RIPK4: variants seen among roughly 807,000 people sequenced by gnomAD.
RIPK4 encodes receptor-interacting serine/threonine-protein kinase 4.
In RIPK4, 17 loss-of-function variants were observed where a neutral mutation model predicts 42.9. That is an observed-to-expected ratio of 0.40 (90% CI 0.27 to 0.59). RIPK4 has a LOEUF of 0.59. Among genes scored for constraint, RIPK4 ranks in the 20% least tolerant of loss-of-function variants. The probability of loss-of-function intolerance (pLI) is 0.47; values close to 1 mark genes in which losing one functional copy is unlikely to be tolerated. For synonymous variants in RIPK4, 498 were observed against 499.1 expected (o/e 1.00, Z 0.03); for missense variants, 897 against 1,104.4 (o/e 0.81, Z 2.66).
At position 41,761,838 on chromosome 21, in the gene RIPK4, C is replaced by T. The variant is rs550215926; in HGVS notation, c.182+5022G>A. Among the ~76,000 whole-genome samples the T allele has an allele frequency of 3.9e-5, 6 of 152,286 alleles. No individual in the cohort carries two copies. The South Asian group carries it at 6.2e-4, about 16-fold the overall frequency. ...CCAAAGGGCTTAATACATAAAACCCCGGTGACTTCTGATTGCAGAGTGAGC... is the reference window on the plus strand; with the variant it reads ...CCAAAGGGCTTAATACATAAAACCCTGGTGACTTCTGATTGCAGAGTGAGC... On this transcript the variant is annotated intron_variant, in intron 1 of 7. Coordinates refer to ENST00000332512, the MANE Select transcript of RIPK4 (RefSeq NM_020639.3).
rs548656049 is a variant in RIPK4, at chr21:41,758,766, G to A, written c.183-1950C>T. 3.9e-4 allele frequency among the ~76,000 whole-genome samples: 60 copies of A among 152,330 alleles called. 2 individuals carry two copies. In the South Asian group the frequency reaches 0.011, roughly 28 times the overall value. On this transcript the variant is annotated intron_variant, in intron 1 of 7. Coordinates refer to ENST00000332512, the MANE Select transcript of RIPK4 (RefSeq NM_020639.3). The stretch of plus-strand genomic sequence containing the variant: ...GGAGTCCTTGCAACAGAGGCCCTGC[G>A]GCCTGCAAAGCCTAAAATGTTGCCT...
At chr21:41,744,265 C>T in intron 6 of RIPK4, 125 bp from the exon 7 acceptor site, 2 of 914,410 alleles carry the variant, frequency 2.2e-6, no homozygotes, top group Non-Finnish European at 3.2e-6. Flanking sequence ...AGGACGGACC[C>T]TGGAAGCAAT....
rs2061147661 is a variant in RIPK4, at chr21:41,740,090, T to TA, written c.*747dup. 1 of 152,030 alleles carries TA rather than the reference T, an allele frequency of 6.6e-6. No homozygotes were observed. The highest frequency in any genetic ancestry group is 1.5e-5 in the Non-Finnish European group (1 of 68,024). 9.4% of individuals were successfully genotyped at this position (152,030 alleles called of 1,614,324 possible). A position where few individuals can be genotyped will look rare whatever the true frequency, so the allele number is the denominator to read the frequency against. On this transcript the variant is annotated 3_prime_UTR_variant, in exon 8 of 8. Coordinates refer to ENST00000332512, the MANE Select transcript of RIPK4 (RefSeq NM_020639.3). The stretch of plus-strand genomic sequence containing the variant: ...TGGCTCTAGAGTTGCCAAAACATCT[T>TA]AGGCAACGAGAAACGAACGGCAGCT...
chr21:41,756,454 C>T, intron 2 of RIPK4, 71 bp downstream of exon 2: 1 of 1,547,262 alleles, frequency 6.5e-7, no homozygotes, highest in Non-Finnish European at 8.7e-7. Flanking sequence ...GGGCTTGACC[C>T]CTTGATACCC....
chr21:41,745,736 C>T (rs370055721), intron 6 of RIPK4, 23 bp downstream of exon 6: 2 of 1,580,828 alleles, frequency 1.3e-6, no homozygotes, highest in Non-Finnish European at 1.7e-6. Flanking sequence ...AGACAAAAGA[C>T]CCCTGTGGGA....
rs566018141 is a variant in RIPK4, at chr21:41,742,561, C to T, written c.1196-564G>A. On this transcript the variant is annotated intron_variant, in intron 7 of 7. Coordinates refer to ENST00000332512, the MANE Select transcript of RIPK4 (RefSeq NM_020639.3). The surrounding 1 kb of genome is among the most constrained non-coding windows in gnomAD (Gnocchi z 5.1). ...GACCGAGCTTCTCGTTTCAGGAGGA[C>T]GTTAGTCCAGCACTCAGGATGAAAA... 1.3e-5 allele frequency among the ~76,000 whole-genome samples: 2 copies of T among 152,144 alleles called. No individual in the cohort carries two copies. Among genetic ancestry groups the T allele is most frequent in the Admixed American group, 6.5e-5 (1 of 15,282 alleles).
chr21:41,749,104 T>C (rs2061180368), intron 4 of RIPK4, 50 bp downstream of exon 4: 1 of 1,591,008 alleles, frequency 6.3e-7, no homozygotes, highest in Non-Finnish European at 8.6e-7. Context: ...TGTCCCCCCA[T>C]TATTCCAGGA....
chr21:41,766,261 C>G (rs1366876254), intron 1 of RIPK4, among the ~76,000 whole-genome samples: 2 of 152,224 alleles, frequency 1.3e-5, no homozygotes, highest in East Asian at 1.9e-4. Flanking sequence ...AAGCGCCGGG[C>G]GCCCGGGAAG....
intron 3 of RIPK4, among the ~76,000 whole-genome samples, chr21:41,749,889 T>TAAAAAAAAAAAAAAAA (rs776305508): frequency 2.1e-4 from 21 of 99,284 alleles, no homozygotes; most frequent in Middle Eastern, 5.9e-3. Flanking sequence ...CCAAATTGAT[T>TAAAAAAAAAAAAAAAA]AAAAAAAAAA....
chr21:41,753,609 A>T (rs2061194882), intron 2 of RIPK4, among the ~76,000 whole-genome samples: 1 of 152,124 alleles, frequency 6.6e-6, no homozygotes, highest in Non-Finnish European at 1.5e-5. Context: ...CTACTGTGGC[A>T]TCCACTCTGA....
rs1193807979 is a variant in RIPK4, at chr21:41,755,239, TC to T, written c.474+1285del. ...TTCAAGCCAAGTCATTTGATTTTTG[TC>T]TCCATTATCTCAATTTCCTACTTCA... On this transcript the variant is annotated intron_variant, in intron 2 of 7. Coordinates refer to ENST00000332512, the MANE Select transcript of RIPK4 (RefSeq NM_020639.3). This position sits in a 1 kb window ranked among gnomAD's most constrained non-coding sequence, Gnocchi z 4.2. Among the ~76,000 whole-genome samples, 1 of 152,158 alleles carries T rather than the reference TC, an allele frequency of 6.6e-6. No homozygotes were observed. The highest frequency in any genetic ancestry group is 6.5e-5 in the Admixed American group (1 of 15,280).
intron 1 of RIPK4, among the ~76,000 whole-genome samples, chr21:41,757,228 CT>C (rs781435190): frequency 1.3e-5 from 2 of 152,070 alleles, no homozygotes; most frequent in African/African-American, 2.4e-5. Flanking sequence ...AAGGTTGTAA[CT>C]AGGCAACTAG....
rs1036675267 is a variant in RIPK4 at position 41,744,160 on chromosome 21, G to C, written c.937-20C>G. ...CACCACCTGCGAAGATGCAGAAGAGGGGGTGGGTGAAGACCCTGCCATAGA... is the reference window on the plus strand; with the variant it reads ...CACCACCTGCGAAGATGCAGAAGAGCGGGTGGGTGAAGACCCTGCCATAGA... On this transcript the variant is annotated intron_variant, in intron 6 of 7. Coordinates refer to ENST00000332512, the MANE Select transcript of RIPK4 (RefSeq NM_020639.3). 5 of 1,560,360 alleles carry C rather than the reference G, an allele frequency of 3.2e-6. No individual in the cohort carries two copies. The African/African-American group carries it at 4.1e-5, about 13-fold the overall frequency.
Position 41,740,503 on chromosome 21 carries a change from G to A in RIPK4, c.*335C>T, listed in dbSNP as rs2061149107. 6.4e-6 allele frequency: 2 copies of A among 310,544 alleles called. No homozygotes were observed. Among genetic ancestry groups the A allele is most frequent in the African/African-American group, 4.3e-5 (2 of 46,304 alleles). 19.2% of individuals were successfully genotyped at this position (310,544 alleles called of 1,614,324 possible). A position where few individuals can be genotyped will look rare whatever the true frequency, so the allele number is the denominator to read the frequency against. ...AGCAACCCAAGGTGGCTCGCCTCAG[G>A]AGAGAGTGGATGCTTCCACGCCTGG... On this transcript the variant is annotated 3_prime_UTR_variant, in exon 8 of 8. Coordinates refer to ENST00000332512, the MANE Select transcript of RIPK4 (RefSeq NM_020639.3).
chr21:41,758,518 T>C lies in RIPK4; in HGVS notation c.183-1702A>G, dbSNP rs1421734877. 3.9e-5 allele frequency among the ~76,000 whole-genome samples: 6 copies of C among 152,336 alleles called. No homozygotes were observed. The East Asian group carries it at 5.8e-4, about 15-fold the overall frequency. On this transcript the variant is annotated intron_variant, in intron 1 of 7. Transcript: ENST00000332512. ...GGATAATGCTGCACATCTGCACACA[T>C]TGGGGGACAAACGCCTGGAGTCGTG...
chr21:41,766,851 G>T lies in RIPK4; in HGVS notation c.182+9C>A, dbSNP rs1160973946. 1 of 1,603,584 alleles carries T rather than the reference G, an allele frequency of 6.2e-7. No homozygotes were observed. The highest frequency in any genetic ancestry group is 1.4e-5 in the African/African-American group (1 of 73,794). On this transcript the variant is annotated intron_variant, in intron 1 of 7. Transcript: ENST00000332512. ...CCAGCCGCCCCAGCGCCCCGCCCGG[G>T]CCGCTCACCTGTCGTCGACGTGCAG...
At chr21:41,763,347 TAA>T (rs2061226588) in intron 1 of RIPK4, among the ~76,000 whole-genome samples, 1 of 152,112 alleles carries the variant, frequency 6.6e-6, no homozygotes, top group Admixed American at 6.5e-5. Flanking sequence ...AAGGAACTTC[TAA>T]AGAAGTCCCA....
chr21:41,761,590 G>A (rs2061220520), intron 1 of RIPK4, among the ~76,000 whole-genome samples: 1 of 152,100 alleles, frequency 6.6e-6, no homozygotes, highest in South Asian at 2.1e-4. Flanking sequence ...CACCCTCCTC[G>A]CCGGAGGGTT....
chr21:41,746,485 G>A (rs2061171679), intron 5 of RIPK4, 128 bp downstream of exon 5: 8 of 1,142,788 alleles, frequency 7.0e-6, no homozygotes, highest in Non-Finnish European at 9.9e-6. Context: ...TCTGTGCAGG[G>A]CTCATTTCGG....
Sources: gnomAD v4.1 joint callset for allele counts (sites outside exome capture counted in the v4.1 genomes callset) on GRCh38, gnomAD v4.1.1 for gene constraint, Gnocchi (gnomAD v3.1) non-coding constraint, MANE v1.5 for transcripts, NCBI Gene and HGNC (gene_info 2026-07-23, HGNC 2026-07-21) for gene names.